Variants in LPP observed in about 807,000 individuals in gnomAD.
LPP encodes LIM domain containing preferred translocation partner in lipoma, also known as lipoma-preferred partner.
A neutral mutation model predicts 60.4 loss-of-function variants in LPP; 38 were observed. The observed-to-expected ratio is 0.63, with a 90% CI of 0.49 to 0.83. The LOEUF is 0.83. Among genes scored for constraint, LPP ranks in the 40% least tolerant of loss-of-function variants. The pLI is 0.00. For missense variants in LPP, 902 were observed against 783.6 expected, an observed-to-expected ratio of 1.15 and a Z score of -1.80; for synonymous variants, 328 against 290.8, an observed-to-expected ratio of 1.13 and a Z score of -1.30.
At chr3:188,727,740 C>T (rs999561209) in intron 8 of LPP, among the ~76,000 whole-genome samples, 1 of 152,120 alleles carries the variant, frequency 6.6e-6, no homozygotes, top group Non-Finnish European at 1.5e-5. Flanking sequence ...TTACTTAATG[C>T]TCACAACAGG....
chr3:188,353,525 T>C (rs1766583124), intron 3 of LPP, among the ~76,000 whole-genome samples: 1 of 152,236 alleles, frequency 6.6e-6, no homozygotes, highest in Admixed American at 6.5e-5. Flanking sequence ...CAAATTTACC[T>C]CTAGGAACAG....
At chr3:188,522,844 CGTGT>C (rs1459000052) in intron 5 of LPP, among the ~76,000 whole-genome samples, 3 of 112,704 alleles carry the variant, frequency 2.7e-5, no homozygotes, top group African/African-American at 1.0e-4. Flanking sequence ...TGTGTGTGTA[CGTGT>C]GTGTATGTGT....
At chr3:188,561,746 A>G (rs1185319843) in intron 6 of LPP, among the ~76,000 whole-genome samples, 1 of 152,038 alleles carries the variant, frequency 6.6e-6, no homozygotes, top group African/African-American at 2.4e-5. Flanking sequence ...TTTTGCAAGG[A>G]AATACTCATT....
chr3:188,541,521 C>G lies in LPP; in HGVS notation c.429+16734C>G, dbSNP rs528765248. 6.6e-4 allele frequency among the ~76,000 whole-genome samples: 99 copies of G among 150,646 alleles called. 1 individual carries two copies. The highest frequency in any genetic ancestry group is 1.2e-3 in the African/African-American group (47 of 40,842). The stretch of plus-strand genomic sequence containing the variant: ...CTAGAGAAGTATCTTTCCCTGCATA[C>G]ATAGTACATTGACAGAATCTGGAAG... On this transcript the variant is annotated intron_variant, in intron 6 of 11. Transcript: ENST00000617246.
At chr3:188,806,750 G>C (rs890697043) in intron 9 of LPP, among the ~76,000 whole-genome samples, 1 of 151,776 alleles carries the variant, frequency 6.6e-6, no homozygotes, top group African/African-American at 2.4e-5. Flanking sequence ...ATTAACTAGA[G>C]TTTACCTTCA....
intron 6 of LPP, among the ~76,000 whole-genome samples, chr3:188,600,607 G>A (rs534419182): frequency 6.6e-6 from 1 of 151,980 alleles, no homozygotes; most frequent in Non-Finnish European, 1.5e-5. Flanking sequence ...ATAATTCACT[G>A]GCACTAAGTA....
chr3:188,466,834 T>TATATATATATATATATAG (rs1553906195), intron 4 of LPP, among the ~76,000 whole-genome samples: 7 of 126,154 alleles, frequency 5.5e-5, no homozygotes, highest in African/African-American at 9.0e-5. Flanking sequence ...TATATATATA[T>TATATATATATATATATAG]ATATATATGC....
chr3:188,461,041 A>T (rs1381283751), intron 4 of LPP, among the ~76,000 whole-genome samples: 1 of 152,246 alleles, frequency 6.6e-6, no homozygotes, highest in Non-Finnish European at 1.5e-5. Flanking sequence ...GAAGACTTAG[A>T]GGACTCCAGA....
intron 9 of LPP, among the ~76,000 whole-genome samples, chr3:188,800,246 CTTT>C (rs33982362): frequency 3.1e-5 from 3 of 97,308 alleles, no homozygotes; most frequent in Non-Finnish European, 5.6e-5. Flanking sequence ...TTGAAGCTTT[CTTT>C]TTTTTTTTTT....
At chr3:188,685,785 C>T (rs11709806) in intron 7 of LPP, among the ~76,000 whole-genome samples, 19,966 of 152,140 alleles carry the variant, frequency 0.13, 1,483 homozygotes, top group Non-Finnish European at 0.17. Context: ...CCCATTACCA[C>T]GAATACTGAG....
chr3:188,809,624 G>T (rs542230327), intron 9 of LPP, among the ~76,000 whole-genome samples: 1 of 152,220 alleles, frequency 6.6e-6, no homozygotes, highest in South Asian at 2.1e-4. Context: ...CTCCCTTTCT[G>T]TAGGTTGCCT....
chr3:188,656,214 A>C (rs1853173843), intron 7 of LPP, among the ~76,000 whole-genome samples: 1 of 151,760 alleles, frequency 6.6e-6, no homozygotes, highest in Admixed American at 6.6e-5. Flanking sequence ...AAAAAAAAAA[A>C]AAACACTTTG....
At chr3:188,290,024 T>C (rs950723649) in intron 2 of LPP, among the ~76,000 whole-genome samples, 4 of 152,020 alleles carry the variant, frequency 2.6e-5, no homozygotes, top group Non-Finnish European at 4.4e-5. Context: ...AGTCTTACCC[T>C]ATCGCCCAGG....
intron 8 of LPP, among the ~76,000 whole-genome samples, chr3:188,753,801 G>C (rs1729034439): frequency 6.6e-6 from 1 of 152,014 alleles, no homozygotes; most frequent in Admixed American, 6.6e-5. Context: ...ATATGTATTT[G>C]TAGAGGGAAA....
chr3:188,368,680 TCTCACA>T (rs1420815072), intron 3 of LPP, among the ~76,000 whole-genome samples: 5 of 95,290 alleles, frequency 5.2e-5, no homozygotes, highest in Non-Finnish European at 8.4e-5. Context: ...ACACACACAC[TCTCACA>T]CACACACACA....
At chr3:188,249,416 G>A (rs1016283460) in intron 2 of LPP, among the ~76,000 whole-genome samples, 5 of 151,728 alleles carry the variant, frequency 3.3e-5, no homozygotes, top group African/African-American at 7.3e-5. Context: ...GCCACTGGGC[G>A]ACAGAGCAAG....
chr3:188,404,484 A>G (rs1553888326), intron 3 of LPP, among the ~76,000 whole-genome samples: 1 of 152,088 alleles, frequency 6.6e-6, no homozygotes, highest in African/African-American at 2.4e-5. Context: ...GCCTCAAGTG[A>G]TCCTTCTGCC....
At chr3:188,654,745 A>G (rs1279623937) in intron 7 of LPP, among the ~76,000 whole-genome samples, 4 of 152,216 alleles carry the variant, frequency 2.6e-5, no homozygotes, top group Admixed American at 1.3e-4. Flanking sequence ...CTCTTCCTCT[A>G]TAAGTAATGA....
intron 5 of LPP, among the ~76,000 whole-genome samples, chr3:188,500,622 G>A (rs1811547559): frequency 6.6e-6 from 1 of 152,078 alleles, no homozygotes; most frequent in Non-Finnish European, 1.5e-5. Flanking sequence ...AAGATTTGAG[G>A]ATAATTGTTG....
Sources: allele counts gnomAD v4.1 joint callset (sites outside exome capture counted in the v4.1 genomes callset), GRCh38; gene constraint gnomAD v4.1.1; transcripts MANE v1.5; gene names NCBI Gene and HGNC (gene_info 2026-07-23, HGNC 2026-07-21).